Variants in CFAP53 observed in about 807,000 individuals in gnomAD.
The protein encoded by CFAP53 is cilia- and flagella-associated protein 53.
In CFAP53, 62 loss-of-function variants were observed where a neutral mutation model predicts 59.7. The observed-to-expected ratio is 1.04, with a 90% CI of 0.85 to 1.28. The LOEUF is 1.28. Ranked by LOEUF, CFAP53 falls within the 50% of genes most tolerant of loss-of-function variation. CFAP53 has a pLI of 0.00. For missense variants in CFAP53, 629 were observed against 615.6 expected, an observed-to-expected ratio of 1.02 and a Z score of -0.23; for synonymous variants, 218 against 205.7, an observed-to-expected ratio of 1.06 and a Z score of -0.51.
chr18:50,256,242 G>T (rs1358975391), intron 3 of CFAP53: 1 of 152,034 alleles, frequency 6.6e-6, no homozygotes, highest in Middle Eastern at 3.2e-3. Flanking sequence ...ATATATGAAT[G>T]GTCCATTGAG....
In CFAP53 at chr18:50,227,386, G is replaced by A; in HGVS notation, c.1540C>T (p.Pro514Ser). Residue 514 changes from proline (P) to serine (S), a missense_variant, in exon 8 of 8, where the codon CCG becomes TCG. Pro to Ser is a moderately conservative substitution (Grantham distance 74, BLOSUM62 -1). Transcript: ENST00000398545. The stretch of plus-strand genomic sequence containing the variant: ...ATATATTGATGCTCACGGAACTACG[G>A]TGGAAGCTTACTGGGGCATGCCTTG... ...MRKACPSKLP[P>S] The A allele has an allele frequency of 6.2e-7, 1 of 1,611,612 alleles. No individual in the cohort carries two copies. Among genetic ancestry groups the A allele is most frequent in the Non-Finnish European group, 8.5e-7 (1 of 1,177,806 alleles).
intron 2 of CFAP53, 93 bp downstream of exon 2, chr18:50,261,897 T>C: frequency 3.3e-6 from 3 of 917,936 alleles, no homozygotes; most frequent in South Asian, 3.0e-5. Context: ...ATCTCAGCCA[T>C]GATCCTTGCT....
chr18:50,227,977 T>TTTTTTA, intron 7 of CFAP53, among the ~76,000 whole-genome samples: 1 of 146,776 alleles, frequency 6.8e-6, no homozygotes, highest in African/African-American at 2.5e-5. Flanking sequence ...TTTTTTTTTT[T>TTTTTTA]GAGACGGAGT....
intron 7 of CFAP53, among the ~76,000 whole-genome samples, chr18:50,232,772 C>T (rs1174932662): frequency 6.6e-6 from 1 of 152,148 alleles, no homozygotes; most frequent in African/African-American, 2.4e-5. Context: ...CTCTCCCTGG[C>T]GGGAGATAAA....
chr18:50,251,489 G>T lies in CFAP53; in HGVS notation c.769C>A (p.Arg257Ser). 1 of 1,612,670 alleles carries T rather than the reference G, an allele frequency of 6.2e-7. No homozygotes were observed. The highest frequency in any genetic ancestry group is 8.5e-7 in the Non-Finnish European group (1 of 1,179,742). ...GCATTTTAAAGGCCCACCACAAGGC[G>T]TGCCTCCTCTTCCTTCAGCAGCTGT... ...ATQLLKEEEARLVESNNAQIK... is the reference protein window; with the variant it reads ...ATQLLKEEEASLVESNNAQIK... Residue 257 changes from arginine (R) to serine (S), a missense_variant, in exon 4 of 8, where the codon CGC becomes AGC. Transcript: ENST00000398545.
At chr18:50,243,197 A>G in intron 5 of CFAP53, 81 bp from the exon 6 acceptor site, 1 of 941,956 alleles carries the variant, frequency 1.1e-6, no homozygotes, top group South Asian at 1.5e-5. Context: ...AAATCTTTAA[A>G]AGCTCCAATC....
intron 7 of CFAP53, among the ~76,000 whole-genome samples, chr18:50,232,934 A>G (rs1243062922): frequency 2.0e-5 from 3 of 152,184 alleles, no homozygotes; most frequent in African/African-American, 7.2e-5. Flanking sequence ...AGGGAAAGAC[A>G]GTTTCTAACA....
At chr18:50,265,118 G>A (rs1217077366) in intron 1 of CFAP53, among the ~76,000 whole-genome samples, 4 of 152,096 alleles carry the variant, frequency 2.6e-5, no homozygotes, top group African/African-American at 9.7e-5. Flanking sequence ...ACCTTTAGTG[G>A]TTTCATTCTA....
Position 50,262,095 on chromosome 18 carries a change from T to C in CFAP53, c.194A>G (p.Glu65Gly), listed in dbSNP as rs200684225. ...KSSERDRLKA[E>G]WDQHNDCKIL... ...CTTGCAGTCATTGTGCTGGTCCCAC[T>C]CAGCTTTCAAGCGATCCCGCTCACT... The change falls in exon 2 of 8, where the codon GAG becomes GGG. Residue 65 changes from glutamate (E) to glycine (G), a missense_variant. Physicochemically the swap from Glu to Gly is moderately conservative, Grantham distance 98. Transcript: ENST00000398545. The C allele has an allele frequency of 2.2e-4, 349 of 1,614,218 alleles. 1 individual carries two copies. In the African/African-American group the frequency reaches 4.2e-3, roughly 19 times the overall value.
At position 50,246,871 on chromosome 18, in the gene CFAP53, C is replaced by A. The variant is rs186013692; in HGVS notation, c.997-3755G>T. 7.7e-3 allele frequency among the ~76,000 whole-genome samples: 1,168 copies of A among 150,774 alleles called. 7 individuals are homozygous for A. Among genetic ancestry groups the A allele is most frequent in the Non-Finnish European group, 0.012 (784 of 67,700 alleles). On this transcript the variant is annotated intron_variant, in intron 5 of 7. Coordinates refer to ENST00000398545, the MANE Select transcript of CFAP53 (RefSeq NM_145020.5). ...GACCAGCCTGGCCAACATGGTGAAA[C>A]CCCGTCTCTACTAAAAATACAAAAA... is the stretch of plus-strand genomic sequence containing the variant.
intron 2 of CFAP53, among the ~76,000 whole-genome samples, chr18:50,261,767 C>T (rs907215695): frequency 1.1e-4 from 17 of 152,050 alleles, no homozygotes; most frequent in African/African-American, 3.9e-4. Context: ...GTAAAATGAA[C>T]AGGTTTCAAT....
chr18:50,246,799 A>G (rs557874372), intron 5 of CFAP53, among the ~76,000 whole-genome samples: 60 of 152,294 alleles, frequency 3.9e-4, no homozygotes, highest in Non-Finnish European at 6.0e-4. Flanking sequence ...TAATCCCAGC[A>G]CTTTGGGAGG....
rs2033532623 is a variant in CFAP53 at position 50,227,313 on chromosome 18, A to G, written c.*68T>C. On this transcript the variant is annotated 3_prime_UTR_variant, in exon 8 of 8. Transcript: ENST00000398545. ...GAAAAGTTTATCCAGGAGTTAAAAG[A>G]AGCATACAAGCATACTGTAGTTAAA... 1.6e-5 allele frequency: 19 copies of G among 1,221,064 alleles called. No homozygotes were observed. The highest frequency in any genetic ancestry group is 2.1e-5 in the Non-Finnish European group (18 of 857,672). The allele number at this position is 1,221,064 out of a possible 1,614,324, so 75.6% of individuals were successfully genotyped here.
At position 50,262,239 on chromosome 18, in the gene CFAP53, A is replaced by G; in HGVS notation, c.70-20T>C. ...GGATCTCTGAAAACAAAAACCAACTATCACTTATAATAAGCCAAAGAATCA... is the reference window on the plus strand; with the variant it reads ...GGATCTCTGAAAACAAAAACCAACTGTCACTTATAATAAGCCAAAGAATCA... On this transcript the variant is annotated intron_variant, in intron 1 of 7. Transcript: ENST00000398545. 1 of 1,583,164 alleles carries G rather than the reference A, an allele frequency of 6.3e-7. No homozygotes were observed. Among genetic ancestry groups the G allele is most frequent in the African/African-American group, 1.3e-5 (1 of 74,404 alleles).
intron 3 of CFAP53, 27 bp downstream of exon 3, chr18:50,261,037 T>C (rs752052201): frequency 6.3e-7 from 1 of 1,582,814 alleles, no homozygotes; most frequent in Non-Finnish European, 8.5e-7. Context: ...CTTTGGATTC[T>C]GTTTGTGTGT....
At chr18:50,247,751 A>G (rs1352104341) in intron 5 of CFAP53, among the ~76,000 whole-genome samples, 1 of 152,204 alleles carries the variant, frequency 6.6e-6, no homozygotes, top group Non-Finnish European at 1.5e-5. Flanking sequence ...AAAGTCCAGA[A>G]TGGGGAAATC....
At chr18:50,228,198 A>G (rs573567646) in intron 7 of CFAP53, among the ~76,000 whole-genome samples, 69 of 151,592 alleles carry the variant, frequency 4.6e-4, no homozygotes, top group African/African-American at 1.6e-3. Flanking sequence ...ACCTCAAGTG[A>G]TCTGCCCGCC....
At chr18:50,244,032 G>T (rs1015222619) in intron 5 of CFAP53, among the ~76,000 whole-genome samples, 3 of 151,976 alleles carry the variant, frequency 2.0e-5, no homozygotes, top group Non-Finnish European at 4.4e-5. Context: ...TACCTTTTAC[G>T]TTCCCCCAGG....
At chr18:50,246,772 G>A (rs757363910) in intron 5 of CFAP53, among the ~76,000 whole-genome samples, 7 of 152,134 alleles carry the variant, frequency 4.6e-5, no homozygotes, top group East Asian at 3.9e-4. Flanking sequence ...TTGGCCAGGC[G>A]TGGTGGCTCA....
Sources: allele counts gnomAD v4.1 joint callset (sites outside exome capture counted in the v4.1 genomes callset), GRCh38; gene constraint gnomAD v4.1.1; transcripts MANE v1.5; gene names NCBI Gene and HGNC (gene_info 2026-07-23, HGNC 2026-07-21).